The following LUZP2 variants were observed in gnomAD, a reference collection of about 807,000 sequenced individuals.
LUZP2 encodes the protein leucine zipper protein 2.
In LUZP2, 52 loss-of-function variants were observed where a neutral mutation model predicts 51.6. The ratio of observed to expected loss-of-function variants is 1.01; its 90% CI spans 0.81 to 1.27. The LOEUF is 1.27. Ranked by LOEUF, LUZP2 falls within the 50% of genes most tolerant of loss-of-function variation. LUZP2 has a pLI of 0.00. For missense variants in LUZP2, 436 were observed against 395.4 expected, an observed-to-expected ratio of 1.10 and a Z score of -0.87; for synonymous variants, 154 against 137.3, an observed-to-expected ratio of 1.12 and a Z score of -0.85.
chr11:24,822,982 A>G (rs566250655), intron 5 of LUZP2, among the ~76,000 whole-genome samples: 27 of 152,318 alleles, frequency 1.8e-4, no homozygotes, highest in African/African-American at 6.3e-4. Context: ...TCATTCATAT[A>G]TTCAGCAAAT....
chr11:24,969,941 C>G (rs2133894090), intron 7 of LUZP2, among the ~76,000 whole-genome samples: 1 of 152,200 alleles, frequency 6.6e-6, no homozygotes, highest in Non-Finnish European at 1.5e-5. Context: ...TACACTTTCT[C>G]TTTCTTGAGG....
chr11:24,788,160 C>A (rs908593187), intron 5 of LUZP2, among the ~76,000 whole-genome samples: 3 of 149,604 alleles, frequency 2.0e-5, no homozygotes, highest in Non-Finnish European at 4.4e-5. Context: ...GTAACAGATG[C>A]CTATTTCTTT....
At chr11:24,802,146 A>C (rs1849715810) in intron 5 of LUZP2, among the ~76,000 whole-genome samples, 1 of 151,960 alleles carries the variant, frequency 6.6e-6, no homozygotes, top group Admixed American at 6.6e-5. Flanking sequence ...CCTGTTTTGA[A>C]TTTTATTTAA....
chr11:24,687,041 T>C (rs1565077070), intron 1 of LUZP2, among the ~76,000 whole-genome samples: 1 of 152,160 alleles, frequency 6.6e-6, no homozygotes, highest in Non-Finnish European at 1.5e-5. Flanking sequence ...GTGTCTGAGA[T>C]ATTATTAGGA....
chr11:24,851,085 C>G (rs995541929), intron 5 of LUZP2, among the ~76,000 whole-genome samples: 2 of 152,162 alleles, frequency 1.3e-5, no homozygotes, highest in Admixed American at 6.5e-5. Flanking sequence ...TCCTCTCCTC[C>G]TATTTGAATA....
At chr11:24,960,956 T>C (rs569832010) in intron 7 of LUZP2, among the ~76,000 whole-genome samples, 2 of 152,300 alleles carry the variant, frequency 1.3e-5, no homozygotes, top group East Asian at 3.9e-4. Context: ...GTCTTTGTTC[T>C]CGTTGGTTTC....
chr11:24,786,652 G>A (rs895803212), intron 5 of LUZP2: 1 of 14,516 alleles, frequency 6.9e-5, no homozygotes, highest in African/African-American at 3.4e-4. Flanking sequence ...ATACCACATA[G>A]GTATATAATA....
At chr11:25,019,442 C>A (rs1857263606) in intron 9 of LUZP2, among the ~76,000 whole-genome samples, 3 of 152,018 alleles carry the variant, frequency 2.0e-5, no homozygotes, top group Non-Finnish European at 4.4e-5. Context: ...ATATCATATA[C>A]CATTGTCTTA....
Position 24,909,523 on chromosome 11 carries a change from A to G in LUZP2, c.459+3470A>G, listed in dbSNP as rs548908123. ...GGGAAAAAAAAAAAACAAAAGAAGAAAGTCTGTTTTCCTGAGAAACCTGGT... is the reference window on the plus strand; with the variant it reads ...GGGAAAAAAAAAAAACAAAAGAAGAGAGTCTGTTTTCCTGAGAAACCTGGT... On this transcript the variant is annotated intron_variant, in intron 6 of 11. Coordinates refer to ENST00000336930, the MANE Select transcript of LUZP2 (RefSeq NM_001009909.4). 4.7e-5 allele frequency among the ~76,000 whole-genome samples: 7 copies of G among 150,312 alleles called. No individual in the cohort carries two copies. In the East Asian group the frequency reaches 1.5e-3, roughly 32 times the overall value.
chr11:24,925,088 C>A (rs1565116887), intron 7 of LUZP2, among the ~76,000 whole-genome samples: 2 of 152,070 alleles, frequency 1.3e-5, no homozygotes, highest in Admixed American at 1.3e-4. Context: ...ATGGCCATTT[C>A]AAAATACGTC....
At chr11:24,648,867 C>T (rs1043961591) in intron 1 of LUZP2, among the ~76,000 whole-genome samples, 4 of 151,912 alleles carry the variant, frequency 2.6e-5, no homozygotes, top group African/African-American at 9.7e-5. Context: ...AAAGCAATGG[C>T]AAAACCCGCA....
chr11:24,629,248 TCA>T (rs1367806910), intron 1 of LUZP2, among the ~76,000 whole-genome samples: 4 of 151,766 alleles, frequency 2.6e-5, no homozygotes, highest in Non-Finnish European at 4.4e-5. Flanking sequence ...GTTACACTTC[TCA>T]GTTTCTATTG....
intron 7 of LUZP2, among the ~76,000 whole-genome samples, chr11:24,920,653 G>A (rs1283412259): frequency 2.6e-5 from 4 of 151,788 alleles, no homozygotes; most frequent in African/African-American, 9.7e-5. Flanking sequence ...GAAACTGGAG[G>A]CCATTATCTT....
At chr11:24,652,429 A>G (rs1855657045) in intron 1 of LUZP2, among the ~76,000 whole-genome samples, 1 of 152,080 alleles carries the variant, frequency 6.6e-6, no homozygotes, top group Non-Finnish European at 1.5e-5. Flanking sequence ...TCTTAGATGG[A>G]CTATGAAGAA....
At chr11:25,049,458 C>A (rs1858423221) in intron 9 of LUZP2, among the ~76,000 whole-genome samples, 1 of 151,826 alleles carries the variant, frequency 6.6e-6, no homozygotes, top group African/African-American at 2.4e-5. Flanking sequence ...CTTTTCTTTT[C>A]TTTTCTTTAT....
At chr11:25,015,632 A>G (rs1274078101) in intron 9 of LUZP2, among the ~76,000 whole-genome samples, 1 of 152,104 alleles carries the variant, frequency 6.6e-6, no homozygotes, top group Non-Finnish European at 1.5e-5. Flanking sequence ...GACTGGAGTT[A>G]CAGATTTTTG....
chr11:24,779,419 C>T (rs1349298394), intron 5 of LUZP2, among the ~76,000 whole-genome samples: 1 of 152,158 alleles, frequency 6.6e-6, no homozygotes, highest in African/African-American at 2.4e-5. Flanking sequence ...TCACACTTAA[C>T]ATTTGAGATA....
intron 5 of LUZP2, among the ~76,000 whole-genome samples, chr11:24,771,835 C>T (rs1445092482): frequency 6.6e-6 from 1 of 152,104 alleles, no homozygotes; most frequent in Non-Finnish European, 1.5e-5. Context: ...TTACCCTGCA[C>T]AAGCTCTTCT....
intron 5 of LUZP2, chr11:24,892,852 G>A (rs553987376): frequency 1.3e-5 from 2 of 152,148 alleles, no homozygotes; most frequent in South Asian, 2.1e-4. Flanking sequence ...AATGAGTAAA[G>A]GAGAAATATG....
Sources: gnomAD v4.1 joint callset for allele counts (sites outside exome capture counted in the v4.1 genomes callset) on GRCh38, gnomAD v4.1.1 for gene constraint, MANE v1.5 for transcripts, NCBI Gene and HGNC (gene_info 2026-07-23, HGNC 2026-07-21) for gene names.